BAZ2B: variants seen among roughly 807,000 people sequenced by gnomAD.
The protein encoded by BAZ2B is bromodomain adjacent to zinc finger domain protein 2B.
A neutral mutation model predicts 246.0 loss-of-function variants in BAZ2B; 91 were observed. The ratio of observed to expected loss-of-function variants is 0.37; its 90% CI spans 0.31 to 0.44. The LOEUF is 0.44. Among genes scored for constraint, BAZ2B ranks in the 20% least tolerant of loss-of-function variants. The pLI is 1.00. For synonymous variants in BAZ2B, 855 were observed against 860.0 expected (o/e 0.99, Z 0.10); for missense variants, 2,332 against 2,533.7 (o/e 0.92, Z 1.71).
Position 159,341,520 on chromosome 2 carries a change from T to C in BAZ2B, c.5455-3748A>G, listed in dbSNP as rs187180707. On this transcript the variant is annotated intron_variant, in intron 31 of 36. Coordinates refer to ENST00000392783, the MANE Select transcript of BAZ2B (RefSeq NM_013450.4). ...GTAACATCAAATTTAATCTGCACCA[T>C]AGACCAAATGGACACGTACAGAACA... 2.0e-5 allele frequency among the ~76,000 whole-genome samples: 3 copies of C among 152,274 alleles called. No homozygotes were observed. The South Asian group carries it at 6.2e-4, about 32-fold the overall frequency.
At chr2:159,468,916 T>C (rs1183899008) in intron 3 of BAZ2B, among the ~76,000 whole-genome samples, 1 of 151,862 alleles carries the variant, frequency 6.6e-6, no homozygotes, top group Non-Finnish European at 1.5e-5. Context: ...CTAGGTGTGG[T>C]GGTGGGTGCC....
chr2:159,482,187 C>T (rs549745838), intron 2 of BAZ2B, among the ~76,000 whole-genome samples: 5 of 145,436 alleles, frequency 3.4e-5, no homozygotes, highest in African/African-American at 1.3e-4. Context: ...AAAAAAAATA[C>T]ATATGCATTG....
At chr2:159,707,051 T>C in the BAZ2B span, among the ~76,000 whole-genome samples, 1 of 152,172 alleles carries the variant, frequency 6.6e-6, no homozygotes, top group Non-Finnish European at 1.5e-5. Flanking sequence ...TTAAAATAAA[T>C]ATTCACAGAC....
chr2:159,471,234 T>C lies in BAZ2B; in HGVS notation c.145+7341A>G, dbSNP rs565249740. ...GACAAGAAGAAAGCATATGTAACTA[T>C]CTCCTTTCAGAAGTTGGGCTGTGAG... On this transcript the variant is annotated intron_variant, in intron 3 of 36. Coordinates refer to ENST00000392783, the MANE Select transcript of BAZ2B (RefSeq NM_013450.4). Among the ~76,000 whole-genome samples the C allele has an allele frequency of 2.0e-5, 3 of 152,250 alleles. No individual in the cohort carries two copies. In the South Asian group the frequency reaches 6.2e-4, roughly 32 times the overall value.
chr2:159,583,786 A>G (rs1687397126), intron 1 of BAZ2B, among the ~76,000 whole-genome samples: 1 of 152,222 alleles, frequency 6.6e-6, no homozygotes. Context: ...AGTACAGGGC[A>G]GACGGTTTAT....
intron 27 of BAZ2B, among the ~76,000 whole-genome samples, chr2:159,356,766 G>T (rs144834452): frequency 0.013 from 1,964 of 152,272 alleles, 47 homozygotes; most frequent in East Asian, 0.07. Flanking sequence ...TGGGACGAAG[G>T]TTCCAGAGGA....
intron 1 of BAZ2B, among the ~76,000 whole-genome samples, chr2:159,572,599 C>G (rs1684278207): frequency 6.6e-6 from 1 of 152,072 alleles, no homozygotes; most frequent in South Asian, 2.1e-4. Context: ...TTAAACTACT[C>G]ATATATTTTA....
the BAZ2B span, among the ~76,000 whole-genome samples, chr2:159,666,254 ATTC>A: frequency 8.4e-6 from 1 of 119,318 alleles, no homozygotes; most frequent in Non-Finnish European, 1.7e-5. Context: ...TTTTTTTATG[ATTC>A]TTTTTTTTTT....
chr2:159,615,014 T>TTA, intron 1 of BAZ2B, among the ~76,000 whole-genome samples: 1 of 152,160 alleles, frequency 6.6e-6, no homozygotes, highest in Middle Eastern at 3.4e-3. Flanking sequence ...AAACGCTTGT[T>TTA]GTTTAGAGGG....
chr2:159,547,072 A>G (rs968966636), intron 2 of BAZ2B, among the ~76,000 whole-genome samples: 5 of 152,168 alleles, frequency 3.3e-5, no homozygotes. Context: ...AAGGGGAGTG[A>G]GGAGACAAAA....
intron 31 of BAZ2B, among the ~76,000 whole-genome samples, chr2:159,346,712 AAAACCCCC>A (rs1462083561): frequency 6.6e-6 from 1 of 152,056 alleles, no homozygotes; most frequent in Non-Finnish European, 1.5e-5. Context: ...AAAAAAACAA[AAAACCCCC>A]AAACCAAAAC....
intron 4 of BAZ2B, among the ~76,000 whole-genome samples, chr2:159,452,158 A>T (rs927245109): frequency 6.6e-6 from 1 of 152,076 alleles, no homozygotes; most frequent in Non-Finnish European, 1.5e-5. Context: ...CTTCCCAGAC[A>T]ACTGAATTAA....
chr2:159,475,805 C>G (rs1015675531), intron 3 of BAZ2B, among the ~76,000 whole-genome samples: 4 of 152,164 alleles, frequency 2.6e-5, no homozygotes, highest in African/African-American at 7.2e-5. Context: ...TTCTAACAGG[C>G]CTCTCTGCTA....
chr2:159,476,013 G>A (rs1413183242), intron 3 of BAZ2B, among the ~76,000 whole-genome samples: 3 of 152,200 alleles, frequency 2.0e-5, no homozygotes, highest in South Asian at 4.1e-4. Context: ...CAGGATACAC[G>A]GGGGTCAGGG....
intron 1 of BAZ2B, among the ~76,000 whole-genome samples, chr2:159,586,042 G>C (rs1687938909): frequency 6.6e-6 from 1 of 152,152 alleles, no homozygotes; most frequent in Non-Finnish European, 1.5e-5. Context: ...CTCAGAATCT[G>C]AATGTACAAG....
intron 33 of BAZ2B, among the ~76,000 whole-genome samples, chr2:159,335,470 C>T (rs773625012): frequency 1.3e-5 from 2 of 150,098 alleles, no homozygotes; most frequent in Non-Finnish European, 2.9e-5. Context: ...ACTGCTTGAA[C>T]CCAGGAGATT....
chr2:159,443,902 A>C (rs2073863791), intron 6 of BAZ2B, among the ~76,000 whole-genome samples: 1 of 152,162 alleles, frequency 6.6e-6, no homozygotes, highest in South Asian at 2.1e-4. Flanking sequence ...CATGCCTCCA[A>C]GATCTTGTAC....
the BAZ2B span, among the ~76,000 whole-genome samples, chr2:159,709,387 T>A: frequency 1.3e-5 from 2 of 152,196 alleles, no homozygotes; most frequent in South Asian, 4.1e-4. Flanking sequence ...TAATGTTTGA[T>A]AATAGAGTAG....
intron 27 of BAZ2B, among the ~76,000 whole-genome samples, chr2:159,353,526 A>C (rs1278124007): frequency 6.6e-6 from 1 of 152,240 alleles, no homozygotes; most frequent in African/African-American, 2.4e-5. Flanking sequence ...AAGTGGCTAG[A>C]GTGCTCAGGA....
Sources: gnomAD v4.1 joint callset for allele counts (sites outside exome capture counted in the v4.1 genomes callset) on GRCh38, gnomAD v4.1.1 for gene constraint, MANE v1.5 for transcripts, NCBI Gene and HGNC (gene_info 2026-07-23, HGNC 2026-07-21) for gene names.